Variants in CPEB1 observed in about 807,000 individuals in gnomAD.
CPEB1 encodes the protein cytoplasmic polyadenylation element-binding protein 1.
CPEB1 carries 7 observed loss-of-function variants against 65.8 expected under a neutral mutation model. That is an observed-to-expected ratio of 0.11 (90% CI 0.06 to 0.20). CPEB1 has a LOEUF of 0.20. Ranked by LOEUF, CPEB1 falls within the 10% of genes least tolerant of loss-of-function variation. The probability of loss-of-function intolerance (pLI) is 1.00; values close to 1 mark genes in which losing one functional copy is unlikely to be tolerated. For missense variants in CPEB1, 551 were observed against 712.2 expected (o/e 0.77, Z 2.58); for synonymous variants, 262 against 260.0 (o/e 1.01, Z -0.08).
chr15:82,620,665 T>C (rs1359945121), intron 3 of CPEB1, among the ~76,000 whole-genome samples: 1 of 151,826 alleles, frequency 6.6e-6, no homozygotes, highest in Non-Finnish European at 1.5e-5. Context: ...TAGTTGGGCA[T>C]GGTGGCGCAT....
chr15:82,597,533 G>A (rs2042758706), intron 3 of CPEB1, among the ~76,000 whole-genome samples: 2 of 152,088 alleles, frequency 1.3e-5, no homozygotes, highest in South Asian at 2.1e-4. Context: ...ACTTTCCAAG[G>A]AAAAACATGT....
At chr15:82,577,036 C>T (rs1340009493) in intron 3 of CPEB1, among the ~76,000 whole-genome samples, 1 of 152,112 alleles carries the variant, frequency 6.6e-6, no homozygotes, top group Non-Finnish European at 1.5e-5. Context: ...AAAAACAGGA[C>T]TCCATTAAAT....
chr15:82,562,322 A>G, intron 4 of CPEB1: 1 of 418,968 alleles, frequency 2.4e-6, no homozygotes, highest in South Asian at 1.7e-5. Context: ...AAATCTATCT[A>G]GGGCCTTGCC....
intron 1 of CPEB1, among the ~76,000 whole-genome samples, chr15:82,642,730 C>A (rs1045130208): frequency 9.2e-5 from 14 of 152,296 alleles, no homozygotes; most frequent in Middle Eastern, 3.4e-3. Flanking sequence ...AAATTCTCCC[C>A]AGAGTCAGTA....
chr15:82,563,250 A>G (rs2038534097), intron 4 of CPEB1, among the ~76,000 whole-genome samples: 1 of 152,226 alleles, frequency 6.6e-6, no homozygotes, highest in African/African-American at 2.4e-5. Flanking sequence ...GTCACTTGAC[A>G]AAACTGGAAT....
At chr15:82,648,169 C>A, upstream of CPEB1, 3 of 332,072 alleles carry the variant, frequency 9.0e-6, no homozygotes, top group African/African-American at 2.1e-5. Flanking sequence ...CCGCTGCTAG[C>A]CACAGCTGCC....
At chr15:82,643,675 A>AC (rs2047277497) in intron 1 of CPEB1, among the ~76,000 whole-genome samples, 1 of 151,576 alleles carries the variant, frequency 6.6e-6, no homozygotes, top group East Asian at 1.9e-4. Flanking sequence ...AAATGTACAT[A>AC]CCCCTTTACA....
chr15:82,607,714 G>A (rs537753270), intron 3 of CPEB1, among the ~76,000 whole-genome samples: 1 of 152,202 alleles, frequency 6.6e-6, no homozygotes, highest in East Asian at 1.9e-4. Context: ...CAGACATTAA[G>A]ACAAAAATTG....
intron 2 of CPEB1, 90 bp from the exon 3 acceptor site, chr15:82,627,457 G>A (rs941453651): frequency 2.1e-6 from 2 of 972,922 alleles, no homozygotes; most frequent in Non-Finnish European, 3.0e-6. Context: ...AAAGTAGGAA[G>A]GACTTAAGTA....
At chr15:82,549,224 C>T (rs1485746103) in intron 10 of CPEB1, among the ~76,000 whole-genome samples, 1 of 152,226 alleles carries the variant, frequency 6.6e-6, no homozygotes, top group African/African-American at 2.4e-5. Context: ...CTTCTTATCA[C>T]CTCCTGTAGT....
rs767799122 is a variant in CPEB1, at chr15:82,558,021, T to TA, written c.461-36dup. Reference sequence around the variant, plus strand: ...CAAAAAAGGAAACCTCATGACCTCTTAGTTTTCTTTGCAGCCAACAGCCTC... The same window carrying TA: ...CAAAAAAGGAAACCTCATGACCTCTTAAGTTTTCTTTGCAGCCAACAGCCTC... On this transcript the variant is annotated intron_variant, in intron 4 of 12. Transcript: ENST00000684509. 8.3e-6 allele frequency: 12 copies of TA among 1,444,980 alleles called. No individual in the cohort carries two copies. In the Admixed American group the frequency reaches 8.9e-5, roughly 11 times the overall value. 89.5% of individuals were successfully genotyped at this position (1,444,980 alleles called of 1,614,324 possible).
At chr15:82,592,577 CA>C (rs71453399) in intron 3 of CPEB1, among the ~76,000 whole-genome samples, 3,073 of 85,320 alleles carry the variant, frequency 0.036, 30 homozygotes, top group African/African-American at 0.059. Flanking sequence ...GATATTGTCT[CA>C]AAAAAAAAAA....
chr15:82,631,332 A>T (rs1183391102), intron 1 of CPEB1, among the ~76,000 whole-genome samples: 1 of 152,116 alleles, frequency 6.6e-6, no homozygotes, highest in Non-Finnish European at 1.5e-5. Context: ...TTAAGATGAC[A>T]TTATAATAAA....
At position 82,557,874 on chromosome 15, in the gene CPEB1, T is replaced by C; in HGVS notation, c.573A>G (p.Ser191=). The C allele has an allele frequency of 6.2e-7, 1 of 1,614,022 alleles. No homozygotes were observed. The highest frequency in any genetic ancestry group is 8.5e-7 in the Non-Finnish European group (1 of 1,179,996). Residue 191 remains serine (S), a synonymous_variant, in exon 5 of 13, where the codon TCA becomes TCG. Transcript: ENST00000684509. ...SDLVDKFPAP[S]VRGSRLDTRP... is the part of the protein sequence containing the mutation. ...GGGTGTCCAGGCGTGATCCTCTAAC[T>C]GAGGGTGCTGGAAACTTGTCCACCA... is the stretch of plus-strand genomic sequence containing the variant.
Position 82,544,606 on chromosome 15 carries a change from G to C in CPEB1, c.1753C>G (p.Arg585Gly). 1.2e-6 allele frequency: 2 copies of C among 1,612,744 alleles called. No homozygotes were observed. Among genetic ancestry groups the C allele is most frequent in the Non-Finnish European group, 1.7e-6 (2 of 1,179,728 alleles). The change falls in exon 13 of 13, where the codon CGA becomes GGA. Residue 585 changes from arginine (R) to glycine (G), a missense_variant. Arg to Gly is a moderately radical substitution (Grantham distance 125). Transcript: ENST00000684509. ...GGCCAGCTCCTCTAGCTGGAATCTC[G>C]GTTCTTCTGGTTCCGCATCAGGGGG... ...HSPLMRNQKNRDSS is the reference protein window; with the variant it reads ...HSPLMRNQKNGDSS
intron 1 of CPEB1, among the ~76,000 whole-genome samples, chr15:82,641,170 T>C (rs1362449765): frequency 6.6e-6 from 1 of 152,058 alleles, no homozygotes; most frequent in African/African-American, 2.4e-5. Flanking sequence ...AACTCCAAGT[T>C]ATATGTAGGA....
chr15:82,560,792 C>T (rs2871011), intron 4 of CPEB1, among the ~76,000 whole-genome samples: 65,787 of 151,994 alleles, frequency 0.43, 14,733 homozygotes, highest in African/African-American at 0.54. Context: ...TAAGGAAAAG[C>T]ACCAGTAGGA....
At chr15:82,628,286 CTG>C in intron 2 of CPEB1, 76 bp downstream of exon 2, 1 of 702,544 alleles carries the variant, frequency 1.4e-6, no homozygotes, top group Non-Finnish European at 2.6e-6. Context: ...ATGAAAGAAA[CTG>C]TAGATATGAC....
At chr15:82,562,923 TAAAG>T (rs1292802621) in intron 4 of CPEB1, among the ~76,000 whole-genome samples, 2 of 151,740 alleles carry the variant, frequency 1.3e-5, no homozygotes, top group Admixed American at 6.6e-5. Context: ...AGGCATCAGA[TAAAG>T]AAATCAACAA....
Sources: allele counts gnomAD v4.1 joint callset (sites outside exome capture counted in the v4.1 genomes callset), GRCh38; gene constraint gnomAD v4.1.1; transcripts MANE v1.5; gene names NCBI Gene and HGNC (gene_info 2026-07-23, HGNC 2026-07-21).